Variants in THBS4 observed in about 807,000 individuals in gnomAD.
THBS4 encodes thrombospondin 4.
A neutral mutation model predicts 115.7 loss-of-function variants in THBS4; 90 were observed. The ratio of observed to expected loss-of-function variants is 0.78; its 90% CI spans 0.66 to 0.93. The LOEUF is 0.93. THBS4 is among the 40% of genes least tolerant of loss of function. The pLI is 0.00. For synonymous variants in THBS4, 460 were observed against 479.3 expected, an observed-to-expected ratio of 0.96 and a Z score of 0.53; for missense variants, 1,087 against 1,232.7, an observed-to-expected ratio of 0.88 and a Z score of 1.77.
chr5:80,046,004 C>CA (rs1333196869), intron 2 of THBS4, among the ~76,000 whole-genome samples: 1 of 152,010 alleles, frequency 6.6e-6, no homozygotes, highest in Non-Finnish European at 1.5e-5. Context: ...ATAATTAGGA[C>CA]AAAAAAGCTA....
At chr5:80,063,333 G>A (rs1833703930) in intron 8 of THBS4, among the ~76,000 whole-genome samples, 1 of 152,110 alleles carries the variant, frequency 6.6e-6, no homozygotes, top group South Asian at 2.1e-4. Flanking sequence ...TAACTGTCTT[G>A]AGAAGTGTCT....
At position 80,040,324 on chromosome 5, in the gene THBS4, T is replaced by C. The variant is rs1283162751; in HGVS notation, c.292+44T>C. The C allele has an allele frequency of 2.7e-6, 4 of 1,486,348 alleles. No individual in the cohort carries two copies. In the East Asian group the frequency reaches 9.6e-5, roughly 36 times the overall value. The allele number at this position is 1,486,348 out of a possible 1,614,324, so 92.1% of individuals were successfully genotyped here. A position where few individuals can be genotyped will look rare whatever the true frequency, so the allele number is the denominator to read the frequency against. ...ATTATTTTCTTAAAAATCTCCTTTT[T>C]CTATTCCAGGATTAGGGGTATACTG... On this transcript the variant is annotated intron_variant, in intron 2 of 21. Transcript: ENST00000350881.
intron 11 of THBS4, 77 bp from the exon 12 acceptor site, chr5:80,070,566 A>G: frequency 6.9e-7 from 1 of 1,445,452 alleles, no homozygotes; most frequent in Admixed American, 1.7e-5. Flanking sequence ...ATAAAGCCAC[A>G]GTGTCTTGAG....
At chr5:80,050,299 A>G (rs752273774) in intron 2 of THBS4, among the ~76,000 whole-genome samples, 2 of 152,228 alleles carry the variant, frequency 1.3e-5, no homozygotes, top group African/African-American at 4.8e-5. Context: ...AGTCTCCCCA[A>G]GCATTCAGGG....
chr5:80,059,086 C>T (rs1256309500), intron 5 of THBS4, among the ~76,000 whole-genome samples: 5 of 152,176 alleles, frequency 3.3e-5, no homozygotes, highest in Non-Finnish European at 7.3e-5. Flanking sequence ...AATCCCAGCA[C>T]TTTGGGAGGC....
intron 7 of THBS4, among the ~76,000 whole-genome samples, chr5:80,061,276 C>A (rs1480390494): frequency 6.6e-6 from 1 of 152,156 alleles, no homozygotes; most frequent in Non-Finnish European, 1.5e-5. Context: ...GAGGCACCGG[C>A]CCTGGCTTTG....
intron 2 of THBS4, among the ~76,000 whole-genome samples, chr5:80,004,291 AT>A (rs1350959044): frequency 6.6e-6 from 1 of 152,200 alleles, no homozygotes; most frequent in Admixed American, 6.5e-5. Context: ...TGTAAATGAT[AT>A]TGTTCAGATT....
At position 80,035,642 on chromosome 5, in the gene THBS4, C is replaced by A; in HGVS notation, c.88+17C>A. ...CCCCCCAGGGTAAGTGGGTTCGGGT[C>A]GGGCCTGGGAGCGCCGGGCACCGGG... On this transcript the variant is annotated intron_variant, in intron 1 of 21. Coordinates refer to ENST00000350881, the MANE Select transcript of THBS4 (RefSeq NM_003248.6). This position sits in a 1 kb window ranked among gnomAD's most constrained non-coding sequence, Gnocchi z 4.6. The A allele has an allele frequency of 2.3e-6, 3 of 1,330,464 alleles. No homozygotes were observed. The highest frequency in any genetic ancestry group is 2.9e-6 in the Non-Finnish European group (3 of 1,038,552). 82.4% of individuals were successfully genotyped at this position (1,330,464 alleles called of 1,614,324 possible). A position where few individuals can be genotyped will look rare whatever the true frequency, so the allele number is the denominator to read the frequency against.
At chr5:80,021,039 C>T (rs1391492684) in intron 2 of THBS4, among the ~76,000 whole-genome samples, 1 of 152,150 alleles carries the variant, frequency 6.6e-6, no homozygotes, top group Non-Finnish European at 1.5e-5. Flanking sequence ...ACTACCACTA[C>T]CTCATCACAA....
chr5:80,058,094 C>A, intron 3 of THBS4, 112 bp from the exon 4 acceptor site: 1 of 733,208 alleles, frequency 1.4e-6, no homozygotes, highest in Non-Finnish European at 2.2e-6. Context: ...TGTAAGATGT[C>A]AGAGGGTCCA....
upstream of THBS4, among the ~76,000 whole-genome samples, chr5:80,031,891 A>G (rs1014645522): frequency 4.6e-5 from 7 of 152,212 alleles, no homozygotes; most frequent in African/African-American, 1.7e-4. Flanking sequence ...GATTACTAAT[A>G]TGTCACAACT....
intron 2 of THBS4, among the ~76,000 whole-genome samples, chr5:79,999,186 G>A (rs530439439): frequency 3.3e-5 from 5 of 152,260 alleles, no homozygotes; most frequent in African/African-American, 1.2e-4. Context: ...TATATTTGCT[G>A]GATCAATAGT....
chr5:80,018,649 C>G (rs1561295305), intron 2 of THBS4, among the ~76,000 whole-genome samples: 1 of 152,096 alleles, frequency 6.6e-6, no homozygotes, highest in Non-Finnish European at 1.5e-5. Context: ...CCCACCTCGG[C>G]CTTCCAAAGT....
At chr5:80,019,752 T>A in intron 2 of THBS4, 1 of 194,346 alleles carries the variant, frequency 5.1e-6, no homozygotes, top group South Asian at 1.2e-4. Context: ...ACAGCATGGA[T>A]CTGCATTGAA....
In THBS4 at chr5:80,058,212, T is replaced by C. The variant is rs1298871951; in HGVS notation, c.547T>C (p.Leu183=). Reference sequence around the variant, plus strand: ...TGAATGTGATTTCTTCCAGGACTTCTTGGAAGAGCTGAAGCTGGTGGTGAG... The same window carrying C: ...TGAATGTGATTTCTTCCAGGACTTCCTGGAAGAGCTGAAGCTGGTGGTGAG... ...RTFQRKPQDF[L]EELKLVVRGS... The change falls in exon 4 of 22, where the codon TTG becomes CTG. Residue 183 remains leucine (L), a synonymous_variant. Coordinates refer to ENST00000350881, the MANE Select transcript of THBS4 (RefSeq NM_003248.6). 2 of 1,571,194 alleles carry C rather than the reference T, an allele frequency of 1.3e-6. No homozygotes were observed. The highest frequency in any genetic ancestry group is 1.3e-5 in the African/African-American group (1 of 74,148).
rs534585986 is a variant in THBS4, at chr5:80,072,522, G to A, written c.1839+126G>A. ...TTGCCACTTACCTAACAAAGCAGAG[G>A]TGGAAAAATGACACACTGTGGGCCT... On this transcript the variant is annotated intron_variant, in intron 14 of 21. Transcript: ENST00000350881. 2.5e-3 allele frequency: 2,056 copies of A among 834,920 alleles called. 6 individuals are homozygous for A. Among genetic ancestry groups the A allele is most frequent in the Non-Finnish European group, 3.6e-3 (1,804 of 506,518 alleles). The allele number at this position is 834,920 out of a possible 1,614,324, so 51.7% of individuals were successfully genotyped here. A position where few individuals can be genotyped will look rare whatever the true frequency, so the allele number is the denominator to read the frequency against.
intron 2 of THBS4, among the ~76,000 whole-genome samples, chr5:80,023,706 G>C (rs1331402356): frequency 6.6e-6 from 1 of 152,108 alleles, no homozygotes; most frequent in African/African-American, 2.4e-5. Flanking sequence ...GATTGTGGTG[G>C]CTGAAAAGTT....
chr5:80,068,088 A>C lies in THBS4; in HGVS notation c.1310A>C (p.Gln437Pro). Residue 437 changes from glutamine (Q) to proline (P), a missense_variant, in exon 10 of 22, where the codon CAG becomes CCG. Gln to Pro is a moderately conservative substitution (Grantham distance 76, BLOSUM62 -1). This residue lies in a region of THBS4 where 979 missense variants were observed against 1,103.7 expected (regional missense o/e 0.89). Transcript: ENST00000350881. ...PELNPCSVNA[Q>P]CIEERQGDVT... ...CTGAACCCTTGCAGTGTGAATGCCC[A>C]GTGCATTGAAGAGAGGCAGGGGGAT... 4.3e-6 allele frequency: 7 copies of C among 1,614,206 alleles called. No individual in the cohort carries two copies. In the South Asian group the frequency reaches 7.7e-5, roughly 18 times the overall value.
chr5:80,065,957 T>C (rs901718580), intron 9 of THBS4, among the ~76,000 whole-genome samples: 3 of 152,048 alleles, frequency 2.0e-5, no homozygotes, highest in Admixed American at 1.3e-4. Context: ...TAGCCGGGCC[T>C]GGTGGCGGGT....
Sources: gnomAD v4.1 joint callset for allele counts (sites outside exome capture counted in the v4.1 genomes callset) on GRCh38, gnomAD v4.1.1 for gene constraint, gnomAD v4.1.1 regional missense constraint, Gnocchi (gnomAD v3.1) non-coding constraint, MANE v1.5 for transcripts, NCBI Gene and HGNC (gene_info 2026-07-23, HGNC 2026-07-21) for gene names.